IL31RA: variants seen among roughly 807,000 people sequenced by gnomAD.
The protein encoded by IL31RA is interleukin 31 receptor A.
IL31RA carries 66 observed loss-of-function variants against 83.7 expected under a neutral mutation model. That is an observed-to-expected ratio of 0.79 (90% CI 0.65 to 0.97). IL31RA has a LOEUF of 0.97. Ranked by LOEUF, IL31RA falls within the 50% of genes least tolerant of loss-of-function variation. IL31RA has a pLI of 0.00. For synonymous variants in IL31RA, 325 were observed against 329.0 expected, an observed-to-expected ratio of 0.99 and a Z score of 0.13; for missense variants, 798 against 919.4, an observed-to-expected ratio of 0.87 and a Z score of 1.71.
At chr5:55,866,416 A>G (rs1746049283) in intron 2 of IL31RA, among the ~76,000 whole-genome samples, 1 of 152,012 alleles carries the variant, frequency 6.6e-6, no homozygotes, top group African/African-American at 2.4e-5. Flanking sequence ...GTTCTACCTC[A>G]TATCATCAGG....
chr5:55,855,630 G>A (rs1745312762), intron 1 of IL31RA, among the ~76,000 whole-genome samples: 1 of 152,120 alleles, frequency 6.6e-6, no homozygotes, highest in African/African-American at 2.4e-5. Flanking sequence ...CATTTTATGG[G>A]GGATTGCGTG....
intron 1 of IL31RA, among the ~76,000 whole-genome samples, chr5:55,854,087 C>A (rs769963100): frequency 5.3e-5 from 8 of 152,162 alleles, no homozygotes; most frequent in Non-Finnish European, 1.2e-4. Flanking sequence ...ATGAGTAATA[C>A]AAACCCTACA....
rs548274144 is a variant in IL31RA, at chr5:55,861,005, G to A, written c.154+1406G>A. Among the ~76,000 whole-genome samples, 40 of 152,294 alleles carry A rather than the reference G, an allele frequency of 2.6e-4. 1 individual carries two copies. The highest frequency in any genetic ancestry group is 3.4e-3 in the Middle Eastern group (1 of 294). On this transcript the variant is annotated intron_variant, in intron 2 of 14. Transcript: ENST00000652347. ...GTCTCTCCTCCTCCTAAGGATGCCAGTCAGATTGGATTAGGGCCCATCATA... is the reference window on the plus strand; with the variant it reads ...GTCTCTCCTCCTCCTAAGGATGCCAATCAGATTGGATTAGGGCCCATCATA...
the IL31RA span, among the ~76,000 whole-genome samples, chr5:55,845,524 A>C: frequency 6.6e-6 from 1 of 152,180 alleles, no homozygotes; most frequent in Non-Finnish European, 1.5e-5. Flanking sequence ...GGGCAGGACC[A>C]GATGGAGGTA....
chr5:55,850,238 C>T (rs1745020640), upstream of IL31RA, among the ~76,000 whole-genome samples: 1 of 152,146 alleles, frequency 6.6e-6, no homozygotes, highest in Non-Finnish European at 1.5e-5. Context: ...ACAGTGGGCC[C>T]TTTCAATCTG....
chr5:55,905,713 A>G (rs1286424295), intron 8 of IL31RA, among the ~76,000 whole-genome samples: 1 of 152,190 alleles, frequency 6.6e-6, no homozygotes, highest in Admixed American at 6.5e-5. Context: ...TAAGGTCACC[A>G]TCTCCCAGCT....
chr5:55,915,682 T>C (rs768721691), intron 14 of IL31RA, among the ~76,000 whole-genome samples: 1 of 152,228 alleles, frequency 6.6e-6, no homozygotes, highest in Non-Finnish European at 1.5e-5. Flanking sequence ...ATGGGCTTTC[T>C]TTCTGTTTCC....
intron 9 of IL31RA, among the ~76,000 whole-genome samples, 189 bp downstream of exon 9, chr5:55,906,477 G>A (rs1194238604): frequency 6.6e-6 from 1 of 152,204 alleles, no homozygotes; most frequent in African/African-American, 2.4e-5. Flanking sequence ...AAAGCTGTGG[G>A]TGTCAAGCAG....
intron 8 of IL31RA, among the ~76,000 whole-genome samples, chr5:55,900,447 A>G (rs13167566): frequency 0.21 from 32,115 of 152,042 alleles, 4,256 homozygotes; most frequent in East Asian, 0.48. Context: ...GTCAAGTCCT[A>G]TGAAACTGTC....
intron 7 of IL31RA, among the ~76,000 whole-genome samples, chr5:55,897,545 G>A (rs1748485898): frequency 6.6e-6 from 1 of 152,174 alleles, no homozygotes; most frequent in Non-Finnish European, 1.5e-5. Flanking sequence ...CGAGTCATTG[G>A]CAACATATAT....
chr5:55,892,848 TAGC>T (rs1207107308), intron 6 of IL31RA, among the ~76,000 whole-genome samples: 1 of 152,238 alleles, frequency 6.6e-6, no homozygotes, highest in Non-Finnish European at 1.5e-5. Context: ...TTGATTTAAT[TAGC>T]AAACACTTAT....
intron 6 of IL31RA, among the ~76,000 whole-genome samples, chr5:55,894,601 G>A (rs1561105275): frequency 6.6e-6 from 1 of 152,206 alleles, no homozygotes; most frequent in Non-Finnish European, 1.5e-5. Flanking sequence ...TTCTGCAAGA[G>A]TAGTTGTAGA....
At chr5:55,889,633 C>G (rs936547680) in intron 5 of IL31RA, among the ~76,000 whole-genome samples, 4 of 152,178 alleles carry the variant, frequency 2.6e-5, no homozygotes, top group African/African-American at 9.7e-5. Context: ...CCTCCTAGGC[C>G]CAGGTTGCCC....
chr5:55,910,604 A>G lies in IL31RA; in HGVS notation c.1574A>G (p.Gln525Arg), dbSNP rs1580743259. ...AAACGAAAGACCTCTTACATTGTTC[A>G]GGTCATGGCCAGCACCAGTGCTGGG... ...SLKRKTSYIV[Q>R]VMASTSAGGT... The change falls in exon 12 of 15, where the codon CAG (glutamine) becomes CGG (arginine). Residue 525 changes from glutamine (Q) to arginine (R), a missense_variant. Transcript: ENST00000652347. The G allele has an allele frequency of 1.2e-6, 2 of 1,614,156 alleles. No homozygotes were observed. The highest frequency in any genetic ancestry group is 1.7e-6 in the Non-Finnish European group (2 of 1,179,992).
chr5:55,878,535 G>A (rs1180696006), intron 4 of IL31RA, among the ~76,000 whole-genome samples: 3 of 152,224 alleles, frequency 2.0e-5, no homozygotes, highest in African/African-American at 7.2e-5. Flanking sequence ...GGCTTACTCT[G>A]AGCCTAGGGA....
In IL31RA at chr5:55,906,094, C is replaced by A. The variant is rs1466562603; in HGVS notation, c.1070-12C>A. ...TGGGTAGCTGTGAAGCAGTCCTTTT[C>A]TCTCCTTTCAGCATTTCAGTGCATT... On this transcript the variant is annotated splice_polypyrimidine_tract_variant and intron_variant, in intron 8 of 14. Coordinates refer to ENST00000652347, the MANE Select transcript of IL31RA (RefSeq NM_139017.7). 1 of 1,613,984 alleles carries A rather than the reference C, an allele frequency of 6.2e-7. No homozygotes were observed. The highest frequency in any genetic ancestry group is 8.5e-7 in the Non-Finnish European group (1 of 1,179,870).
intron 4 of IL31RA, among the ~76,000 whole-genome samples, chr5:55,881,107 C>A (rs1747185344): frequency 6.6e-6 from 1 of 152,034 alleles, no homozygotes; most frequent in African/African-American, 2.4e-5. Context: ...TTGAGACCGT[C>A]TTGGCTAACA....
chr5:55,847,224 CAGAA>C (rs1744945475), upstream of IL31RA, among the ~76,000 whole-genome samples: 2 of 29,106 alleles, frequency 6.9e-5, no homozygotes, highest in Admixed American at 2.9e-4. Context: ...GCCTGGGCAA[CAGAA>C]AAAAAAAAAA....
intron 6 of IL31RA, among the ~76,000 whole-genome samples, chr5:55,895,270 T>C (rs1748260943): frequency 6.6e-6 from 1 of 152,214 alleles, no homozygotes; most frequent in Non-Finnish European, 1.5e-5. Flanking sequence ...TGTTTAGAAC[T>C]CTCTGCTTTC....
Sources: allele counts gnomAD v4.1 joint callset (sites outside exome capture counted in the v4.1 genomes callset), GRCh38; gene constraint gnomAD v4.1.1; transcripts MANE v1.5; gene names NCBI Gene and HGNC (gene_info 2026-07-23, HGNC 2026-07-21).